XRCC4: variants seen among roughly 807,000 people sequenced by gnomAD.
The protein encoded by XRCC4 is X-ray repair cross complementing 4.
In XRCC4, 28 loss-of-function variants were observed where a neutral mutation model predicts 39.1. The observed-to-expected ratio is 0.72, with a 90% CI of 0.53 to 0.98. The LOEUF (loss-of-function observed/expected upper bound fraction) is 0.98. Among genes scored for constraint, XRCC4 ranks in the 50% least tolerant of loss-of-function variants. The pLI is 0.00. For synonymous variants in XRCC4, 123 were observed against 126.4 expected (o/e 0.97, Z 0.18); for missense variants, 350 against 376.4 (o/e 0.93, Z 0.58).
At chr5:83,191,351 C>T (rs534237445) in intron 3 of XRCC4, among the ~76,000 whole-genome samples, 1 of 152,212 alleles carries the variant, frequency 6.6e-6, no homozygotes, top group Non-Finnish European at 1.5e-5. Context: ...ATTACAGGGG[C>T]AGGTCTTTCC....
chr5:83,232,099 A>G (rs1471289378), intron 6 of XRCC4, among the ~76,000 whole-genome samples: 2 of 152,076 alleles, frequency 1.3e-5, no homozygotes, highest in African/African-American at 4.8e-5. Context: ...CCATGAAACC[A>G]TATCCTGCAA....
At chr5:83,174,819 G>T (rs1749878845) in intron 3 of XRCC4, among the ~76,000 whole-genome samples, 1 of 152,100 alleles carries the variant, frequency 6.6e-6, no homozygotes, top group Non-Finnish European at 1.5e-5. Flanking sequence ...CAACAGTTTT[G>T]TCTGGCTACA....
intron 3 of XRCC4, among the ~76,000 whole-genome samples, chr5:83,145,000 A>G (rs973002904): frequency 6.6e-6 from 1 of 152,040 alleles, no homozygotes; most frequent in Non-Finnish European, 1.5e-5. Flanking sequence ...AGTTCATGCC[A>G]TTCTCCTGCC....
chr5:83,093,715 G>A (rs1375139758), intron 1 of XRCC4, among the ~76,000 whole-genome samples: 1 of 151,964 alleles, frequency 6.6e-6, no homozygotes, highest in Non-Finnish European at 1.5e-5. Context: ...CAACCAATAG[G>A]TCAATTGAGG....
intron 3 of XRCC4, among the ~76,000 whole-genome samples, chr5:83,195,361 A>C (rs768542910): frequency 3.9e-5 from 6 of 152,160 alleles, no homozygotes; most frequent in Non-Finnish European, 8.8e-5. Context: ...CTTCAACAAA[A>C]GGTCAGTTAT....
At chr5:83,147,512 T>C (rs2112541169) in intron 3 of XRCC4, among the ~76,000 whole-genome samples, 1 of 152,156 alleles carries the variant, frequency 6.6e-6, no homozygotes, top group Non-Finnish European at 1.5e-5. Flanking sequence ...GTTGAACTCA[T>C]GGAAGCAGAG....
chr5:83,240,518 G>GCTTA (rs1752867339), intron 6 of XRCC4, among the ~76,000 whole-genome samples: 1 of 152,146 alleles, frequency 6.6e-6, no homozygotes, highest in Non-Finnish European at 1.5e-5. Flanking sequence ...GAGGCATTCT[G>GCTTA]ACTTTTAGGT....
chr5:83,303,221 A>C (rs1159874897), intron 7 of XRCC4, among the ~76,000 whole-genome samples: 1 of 151,964 alleles, frequency 6.6e-6, no homozygotes, highest in African/African-American at 2.4e-5. Context: ...TCAAAAAAAA[A>C]AAAAAAAAAA....
At chr5:83,326,679 T>C (rs76775023) in intron 7 of XRCC4, among the ~76,000 whole-genome samples, 2,813 of 152,206 alleles carry the variant, frequency 0.018, 80 homozygotes, top group African/African-American at 0.064. Context: ...TTTTTTGTAA[T>C]GTACAGTTAC....
At chr5:83,280,545 C>T (rs1754501177) in intron 7 of XRCC4, 2 of 578,288 alleles carry the variant, frequency 3.5e-6, no homozygotes, top group Non-Finnish European at 6.2e-6. Context: ...TCTGCACAGG[C>T]CCCTGCACTG....
intron 3 of XRCC4, among the ~76,000 whole-genome samples, chr5:83,155,712 G>A (rs957301544): frequency 6.6e-5 from 10 of 151,864 alleles, no homozygotes; most frequent in African/African-American, 2.2e-4. Flanking sequence ...AATAATTTCA[G>A]CATTTAGAAT....
At chr5:83,176,860 C>T (rs922786772) in intron 3 of XRCC4, among the ~76,000 whole-genome samples, 1 of 152,032 alleles carries the variant, frequency 6.6e-6, no homozygotes, top group African/African-American at 2.4e-5. Context: ...GAGCTCAAAA[C>T]ATCTGCCCGC....
At chr5:83,185,433 T>G (rs1343005585) in intron 3 of XRCC4, among the ~76,000 whole-genome samples, 1 of 150,184 alleles carries the variant, frequency 6.7e-6, no homozygotes, top group African/African-American at 2.4e-5. Context: ...TATATATATA[T>G]ATATATAAAA....
At chr5:83,293,859 A>T (rs1029305967) in intron 7 of XRCC4, among the ~76,000 whole-genome samples, 2 of 152,082 alleles carry the variant, frequency 1.3e-5, no homozygotes, top group Non-Finnish European at 2.9e-5. Context: ...TCTGGTTTTG[A>T]ACAGAGCAGA....
intron 7 of XRCC4, among the ~76,000 whole-genome samples, chr5:83,265,904 A>C (rs6898110): frequency 0.065 from 9,949 of 152,098 alleles, 1,054 homozygotes; most frequent in African/African-American, 0.22. Context: ...CAATTCCCCT[A>C]GGCTATTACG....
chr5:83,138,520 GAAGTATACTTACA>G (rs1748008974), intron 3 of XRCC4, among the ~76,000 whole-genome samples: 1 of 151,984 alleles, frequency 6.6e-6, no homozygotes, highest in South Asian at 2.1e-4. Flanking sequence ...TGCATTGATG[GAAGTATACTTACA>G]AAGTATACTA....
chr5:83,286,187 T>G (rs774778840), intron 7 of XRCC4, among the ~76,000 whole-genome samples: 3 of 152,094 alleles, frequency 2.0e-5, no homozygotes, highest in Non-Finnish European at 2.9e-5. Context: ...TCACTTTCCT[T>G]TCTCAATTAA....
At chr5:83,293,298 C>A (rs867677445) in intron 7 of XRCC4, among the ~76,000 whole-genome samples, 28 of 152,116 alleles carry the variant, frequency 1.8e-4, no homozygotes, top group African/African-American at 6.5e-4. Context: ...CAGCAACTAA[C>A]TCCTAGTATA....
At chr5:83,125,651 A>G (rs1747221510) in intron 3 of XRCC4, among the ~76,000 whole-genome samples, 1 of 152,106 alleles carries the variant, frequency 6.6e-6, no homozygotes. Flanking sequence ...CCCTCCACCA[A>G]CACCACACTG....
Sources: allele counts gnomAD v4.1 joint callset (sites outside exome capture counted in the v4.1 genomes callset), GRCh38; gene constraint gnomAD v4.1.1; transcripts MANE v1.5; gene names NCBI Gene and HGNC (gene_info 2026-07-23, HGNC 2026-07-21).